The following ATPSCKMT variants were observed in gnomAD, a reference collection of about 807,000 sequenced individuals.
ATPSCKMT encodes the protein ATP synthase subunit C lysine N-methyltransferase.
Under a neutral mutation model 24.3 loss-of-function variants are expected in ATPSCKMT, and 24 were observed. The ratio of observed to expected loss-of-function variants is 0.99; its 90% CI spans 0.71 to 1.39. The LOEUF (loss-of-function observed/expected upper bound fraction) is 1.39. ATPSCKMT is among the 40% of genes most tolerant of loss of function. The pLI is 0.00. For synonymous variants in ATPSCKMT, 95 were observed against 110.5 expected, an observed-to-expected ratio of 0.86 and a Z score of 0.88; for missense variants, 311 against 298.4, an observed-to-expected ratio of 1.04 and a Z score of -0.31.
rs1386919696 is a variant in ATPSCKMT, at chr5:10,226,665, T to G, written c.*776A>C. ...CTTCTGTGAATAAGATTTTTCTCAG[T>G]GTCTAAAATAACAAACACCATTTAT... On this transcript the variant is annotated 3_prime_UTR_variant, in exon 5 of 5. Transcript: ENST00000511437. 2.0e-5 allele frequency: 3 copies of G among 152,250 alleles called. No individual in the cohort carries two copies. The highest frequency in any genetic ancestry group is 4.4e-5 in the Non-Finnish European group (3 of 68,048). The allele number at this position is 152,250 out of a possible 1,614,324, so 9.4% of individuals were successfully genotyped here. A position where few individuals can be genotyped will look rare whatever the true frequency, so the allele number is the denominator to read the frequency against.
intron 4 of ATPSCKMT, among the ~76,000 whole-genome samples, chr5:10,234,238 G>C (rs1012965667): frequency 1.3e-5 from 2 of 152,184 alleles, no homozygotes; most frequent in African/African-American, 2.4e-5. Flanking sequence ...TGATGCAGGA[G>C]AATTGCTTGA....
intron 4 of ATPSCKMT, among the ~76,000 whole-genome samples, chr5:10,232,656 G>T (rs1397375013): frequency 2.0e-5 from 3 of 152,244 alleles, no homozygotes; most frequent in Non-Finnish European, 4.4e-5. Context: ...TCAGAAGGAA[G>T]GAAACACCCC....
At position 10,227,414 on chromosome 5, in the gene ATPSCKMT, A is replaced by G. The variant is rs1158310007; in HGVS notation, c.*27T>C. On this transcript the variant is annotated 3_prime_UTR_variant, in exon 5 of 5. Coordinates refer to ENST00000511437, the MANE Select transcript of ATPSCKMT (RefSeq NM_199133.4). The stretch of plus-strand genomic sequence containing the variant: ...CTACAAGATCAGGGAAGACTACAAT[A>G]TTTCAGAAAAACACTCCCAGTCAAG... 5.6e-6 allele frequency: 9 copies of G among 1,610,606 alleles called. No homozygotes were observed. The highest frequency in any genetic ancestry group is 1.7e-5 in the Admixed American group (1 of 60,018).
intron 4 of ATPSCKMT, among the ~76,000 whole-genome samples, chr5:10,231,580 C>T (rs2126426004): frequency 6.6e-6 from 1 of 152,122 alleles, no homozygotes; most frequent in African/African-American, 2.4e-5. Flanking sequence ...CCCTGCACGC[C>T]CCCTCCCTAA....
chr5:10,235,560 A>G (rs929653940), intron 3 of ATPSCKMT, among the ~76,000 whole-genome samples: 4 of 152,192 alleles, frequency 2.6e-5, no homozygotes, highest in Non-Finnish European at 5.9e-5. Flanking sequence ...TCAGACAGCT[A>G]GTGACCACAC....
chr5:10,236,852 T>C (rs771444773), intron 2 of ATPSCKMT: 18 of 1,467,280 alleles, frequency 1.2e-5, no homozygotes, highest in Middle Eastern at 1.8e-4. Context: ...AGTATCAGAA[T>C]AGACATTCAG....
chr5:10,236,460 ATTCTCTGCCT>A lies in ATPSCKMT; in HGVS notation c.444+8_444+17del. On this transcript the variant is annotated splice_region_variant and intron_variant, in intron 3 of 4. Transcript: ENST00000511437. The stretch of plus-strand genomic sequence containing the variant: ...TTTTCCCTTGGATTTCTCTAGGGCC[ATTCTCTGCCT>A]TACATACCTTCCACAAATCTGAAAT... The A allele has an allele frequency of 6.2e-7, 1 of 1,611,712 alleles. No homozygotes were observed. Among genetic ancestry groups the A allele is most frequent in the Non-Finnish European group, 8.5e-7 (1 of 1,178,830 alleles).
At chr5:10,229,850 G>A (rs1389931223) in intron 4 of ATPSCKMT, among the ~76,000 whole-genome samples, 1 of 152,212 alleles carries the variant, frequency 6.6e-6, no homozygotes, top group Non-Finnish European at 1.5e-5. Context: ...TGGCCACTGG[G>A]AGGCTCTTGC....
At chr5:10,239,929 A>G (rs1744548470) in intron 1 of ATPSCKMT, among the ~76,000 whole-genome samples, 1 of 152,184 alleles carries the variant, frequency 6.6e-6, no homozygotes, top group African/African-American at 2.4e-5. Flanking sequence ...GCGGATCCAA[A>G]AAGAACAAAA....
rs766495128 is a variant in ATPSCKMT, at chr5:10,236,505, G to C, written c.417C>G (p.Ala139=). Residue 139 remains alanine (A), a synonymous_variant, in exon 3 of 5, where the codon GCC becomes GCG. Coordinates refer to ENST00000511437, the MANE Select transcript of ATPSCKMT (RefSeq NM_199133.4). ...RAWREGVHGS[A]KFYISDLWKV... ...TCCACAAATCTGAAATATAAAATTT[G>C]GCAGATCCATGCACACCTTCTCGCC... The C allele has an allele frequency of 1.9e-6, 3 of 1,613,914 alleles. No homozygotes were observed. The highest frequency in any genetic ancestry group is 2.5e-6 in the Non-Finnish European group (3 of 1,180,016).
chr5:10,246,467 A>C (rs1315305831), intron 1 of ATPSCKMT, among the ~76,000 whole-genome samples: 1 of 152,014 alleles, frequency 6.6e-6, no homozygotes, highest in Non-Finnish European at 1.5e-5. Context: ...GAAAAAAAAA[A>C]AAAAAGAATC....
At chr5:10,244,865 A>G (rs1744822022) in intron 1 of ATPSCKMT, among the ~76,000 whole-genome samples, 1 of 151,084 alleles carries the variant, frequency 6.6e-6, no homozygotes, top group Non-Finnish European at 1.5e-5. Flanking sequence ...CCGTGATCGC[A>G]CCATTACATT....
At chr5:10,235,933 G>C (rs1044785287) in intron 3 of ATPSCKMT, among the ~76,000 whole-genome samples, 2 of 152,158 alleles carry the variant, frequency 1.3e-5, no homozygotes, top group Non-Finnish European at 2.9e-5. Context: ...TATTACAATG[G>C]AAAATTCTTA....
chr5:10,249,628 C>G, intron 1 of ATPSCKMT: 1 of 619,218 alleles, frequency 1.6e-6, no homozygotes, highest in East Asian at 3.0e-5. Flanking sequence ...ACTAAGTAGC[C>G]TAGAACAGTC....
intron 2 of ATPSCKMT, 53 bp downstream of exon 2, chr5:10,239,014 G>C (rs746521096): frequency 1.9e-6 from 3 of 1,570,398 alleles, no homozygotes; most frequent in South Asian, 2.4e-5. Context: ...TAAATGTAAA[G>C]CAGAAATTTT....
At chr5:10,233,827 T>C (rs1744260829) in intron 4 of ATPSCKMT, among the ~76,000 whole-genome samples, 1 of 152,220 alleles carries the variant, frequency 6.6e-6, no homozygotes, top group Admixed American at 6.5e-5. Flanking sequence ...AATTCCATTT[T>C]AGAACGAAAG....
intron 4 of ATPSCKMT, 39 bp from the exon 5 acceptor site, chr5:10,227,686 G>T: frequency 6.3e-7 from 1 of 1,593,132 alleles, no homozygotes; most frequent in Non-Finnish European, 8.6e-7. Flanking sequence ...TGAGCAGTGA[G>T]TCAGAGGAAA....
At chr5:10,234,756 T>C (rs1376943833) in intron 4 of ATPSCKMT, among the ~76,000 whole-genome samples, 1 of 152,222 alleles carries the variant, frequency 6.6e-6, no homozygotes, top group Non-Finnish European at 1.5e-5. Context: ...TGCCATCCTC[T>C]AGCAAATCAG....
rs749660887 is a variant in ATPSCKMT, at chr5:10,239,031, T to C, written c.306+36A>G. 7.6e-6 allele frequency: 12 copies of C among 1,587,222 alleles called. No individual in the cohort carries two copies. In the African/African-American group the frequency reaches 1.6e-4, roughly 21 times the overall value. ...AATGTAAAGCAGAAATTTTAAGTTC[T>C]GGTTTCAAACCTTAAAATGTTTTAG... On this transcript the variant is annotated intron_variant, in intron 2 of 4. Coordinates refer to ENST00000511437, the MANE Select transcript of ATPSCKMT (RefSeq NM_199133.4).
Sources: allele counts gnomAD v4.1 joint callset (sites outside exome capture counted in the v4.1 genomes callset), GRCh38; gene constraint gnomAD v4.1.1; transcripts MANE v1.5; gene names NCBI Gene and HGNC (gene_info 2026-07-23, HGNC 2026-07-21).